TRERF1: variants seen among roughly 807,000 people sequenced by gnomAD.
The protein encoded by TRERF1 is transcriptional-regulating factor 1.
In TRERF1, 27 loss-of-function variants were observed where a neutral mutation model predicts 122.9. The observed-to-expected ratio is 0.22, with a 90% confidence interval of 0.16 to 0.30. The LOEUF is 0.30. TRERF1 is among the 10% of genes least tolerant of loss of function. The pLI, the probability that TRERF1 is intolerant of heterozygous loss-of-function variation, is 1.00. For synonymous variants in TRERF1, 636 were observed against 641.7 expected, an observed-to-expected ratio of 0.99 and a Z score of 0.13; for missense variants, 1,248 against 1,560.3, an observed-to-expected ratio of 0.80 and a Z score of 3.37.
chr6:42,434,798 G>C (rs1785044814), intron 2 of TRERF1, among the ~76,000 whole-genome samples: 1 of 152,022 alleles, frequency 6.6e-6, no homozygotes, highest in Admixed American at 6.6e-5. Context: ...AGCAAAAAGA[G>C]TAAGTATGTG....
chr6:42,249,061 G>A (rs1775286794), intron 13 of TRERF1, among the ~76,000 whole-genome samples: 1 of 152,144 alleles, frequency 6.6e-6, no homozygotes, highest in South Asian at 2.1e-4. Context: ...ATGATGGAAG[G>A]AAGACCACAA....
At chr6:42,327,248 A>G (rs1764445995) in intron 3 of TRERF1, among the ~76,000 whole-genome samples, 1 of 152,162 alleles carries the variant, frequency 6.6e-6, no homozygotes. Context: ...TCTGTGCCCC[A>G]CTGTGCATGT....
intron 15 of TRERF1, among the ~76,000 whole-genome samples, chr6:42,240,835 T>C (rs1223587707): frequency 1.3e-5 from 2 of 152,212 alleles, no homozygotes; most frequent in Non-Finnish European, 2.9e-5. Flanking sequence ...GCTGTTTACA[T>C]TGTGGGAGTT....
intron 2 of TRERF1, among the ~76,000 whole-genome samples, chr6:42,365,046 T>G (rs931842946): frequency 1.3e-5 from 2 of 152,020 alleles, no homozygotes; most frequent in African/African-American, 2.4e-5. Flanking sequence ...GGAACCTGAG[T>G]GGGCTCGCCG....
At chr6:42,450,186 A>C (rs551076753) in intron 2 of TRERF1, among the ~76,000 whole-genome samples, 66 of 152,340 alleles carry the variant, frequency 4.3e-4, no homozygotes, top group African/African-American at 1.2e-3. Context: ...GAGCATCAAC[A>C]CCACACTTCC....
chr6:42,232,992 A>G lies in TRERF1; in HGVS notation c.3067-100T>C. Reference sequence around the variant, plus strand: ...AACATGGAATACTTGAAACTGTCTAATGACAGGGCACAAGGGTTTTATATA... The same window carrying G: ...AACATGGAATACTTGAAACTGTCTAGTGACAGGGCACAAGGGTTTTATATA... On this transcript the variant is annotated intron_variant, in intron 16 of 17. Coordinates refer to ENST00000372922, the Ensembl canonical transcript of TRERF1. This position sits in a 1 kb window ranked among gnomAD's most constrained non-coding sequence, Gnocchi z 4.5. 1 of 1,446,110 alleles carries G rather than the reference A, an allele frequency of 6.9e-7. No homozygotes were observed. Among genetic ancestry groups the G allele is most frequent in the Non-Finnish European group, 9.1e-7 (1 of 1,094,660 alleles). 89.6% of individuals were successfully genotyped at this position (1,446,110 alleles called of 1,614,324 possible). A position where few individuals can be genotyped will look rare whatever the true frequency, so the allele number is the denominator to read the frequency against.
chr6:42,408,985 G>A (rs1582060726), intron 2 of TRERF1, among the ~76,000 whole-genome samples: 1 of 152,058 alleles, frequency 6.6e-6, no homozygotes, highest in East Asian at 1.9e-4. Flanking sequence ...CTCCAAATTT[G>A]TCATATATAA....
chr6:42,432,211 G>A (rs943556257), intron 2 of TRERF1, among the ~76,000 whole-genome samples: 2 of 152,164 alleles, frequency 1.3e-5, no homozygotes, highest in African/African-American at 4.8e-5. Context: ...CTGGCACGTG[G>A]TGAGCATTAT....
chr6:42,442,059 G>A (rs897340838), intron 2 of TRERF1, among the ~76,000 whole-genome samples: 1 of 152,090 alleles, frequency 6.6e-6, no homozygotes, highest in African/African-American at 2.4e-5. Context: ...GGCTCCCCCT[G>A]AAAACCCCTC....
At chr6:42,343,944 C>T (rs559383913) in intron 3 of TRERF1, among the ~76,000 whole-genome samples, 68 of 152,232 alleles carry the variant, frequency 4.5e-4, no homozygotes, top group Non-Finnish European at 4.8e-4. Flanking sequence ...GCTGCTGAGC[C>T]TCAGTTCTTG....
intron 2 of TRERF1, among the ~76,000 whole-genome samples, chr6:42,422,098 G>A (rs1044035879): frequency 6.6e-6 from 1 of 151,884 alleles, no homozygotes; most frequent in Non-Finnish European, 1.5e-5. Context: ...TTTGAACCCA[G>A]GAGACAGAGG....
At position 42,450,136 on chromosome 6, in the gene TRERF1, T is replaced by G. The variant is rs541870888; in HGVS notation, c.-454+1041A>C. ...AGGCAAAGGCTGCTGGTTAACTAGTTAAGCACTGAGGACTCCTGCTGTTAT... is the reference window on the plus strand; with the variant it reads ...AGGCAAAGGCTGCTGGTTAACTAGTGAAGCACTGAGGACTCCTGCTGTTAT... On this transcript the variant is annotated intron_variant, in intron 2 of 17. Coordinates refer to ENST00000372922, the Ensembl canonical transcript of TRERF1. Among the ~76,000 whole-genome samples the G allele has an allele frequency of 2.0e-5, 3 of 152,328 alleles. No homozygotes were observed. In the South Asian group the frequency reaches 6.2e-4, roughly 32 times the overall value.
At chr6:42,278,299 A>C (rs903644146) in intron 4 of TRERF1, among the ~76,000 whole-genome samples, 3 of 152,166 alleles carry the variant, frequency 2.0e-5, no homozygotes, top group African/African-American at 7.2e-5. Context: ...GAAGCTAGGG[A>C]GGGGAGGCGA....
chr6:42,262,601 C>CACAGAGAG (rs1778365930), intron 8 of TRERF1, among the ~76,000 whole-genome samples: 2 of 59,132 alleles, frequency 3.4e-5, no homozygotes, highest in Non-Finnish European at 6.9e-5. Context: ...GAGAGAGAGA[C>CACAGAGAG]AGACAGACGG....
rs34764742 is a variant in TRERF1 at position 42,284,231 on chromosome 6, A to ATT, written c.-258-14385_-258-14384dup. On this transcript the variant is annotated intron_variant, in intron 4 of 17. Transcript: ENST00000372922. The stretch of plus-strand genomic sequence containing the variant: ...CTAGTGTCAATCTTTATAATTTTTA[A>ATT]TTTTTTTTTTTTTTTTTGTAGAGAC... Among the ~76,000 whole-genome samples the ATT allele has an allele frequency of 3.0e-3, 425 of 139,648 alleles. 2 individuals carry two copies. The highest frequency in any genetic ancestry group is 0.01 in the South Asian group (45 of 4,378). The allele number at this position is 139,648 out of a possible 152,430, so 91.6% of individuals were successfully genotyped here.
intron 4 of TRERF1, among the ~76,000 whole-genome samples, chr6:42,300,020 A>G (rs1042019693): frequency 2.0e-5 from 3 of 152,248 alleles, no homozygotes; most frequent in Non-Finnish European, 4.4e-5. Flanking sequence ...ACCAGTCTCT[A>G]GGGAGAATTT....
At chr6:42,297,994 G>A (rs975956577) in intron 4 of TRERF1, among the ~76,000 whole-genome samples, 1 of 152,032 alleles carries the variant, frequency 6.6e-6, no homozygotes, top group African/African-American at 2.4e-5. Flanking sequence ...CTTCAAATAT[G>A]AGCAAGAAAT....
At chr6:42,444,114 A>T (rs776226232) in intron 2 of TRERF1, among the ~76,000 whole-genome samples, 4 of 147,784 alleles carry the variant, frequency 2.7e-5, no homozygotes, top group Admixed American at 6.7e-5. Context: ...GCTGGGAACC[A>T]CCGAGGCTGG....
At chr6:42,449,557 C>T (rs1788109719) in intron 2 of TRERF1, among the ~76,000 whole-genome samples, 1 of 151,722 alleles carries the variant, frequency 6.6e-6, no homozygotes, top group East Asian at 1.9e-4. Flanking sequence ...ACCTGAATGA[C>T]TGCTCTTGGC....
Sources: allele counts gnomAD v4.1 joint callset (sites outside exome capture counted in the v4.1 genomes callset), GRCh38; gene constraint gnomAD v4.1.1; non-coding constraint Gnocchi (gnomAD v3.1); transcripts MANE v1.5; gene names NCBI Gene and HGNC (gene_info 2026-07-23, HGNC 2026-07-21).